Variants in SIDT2 observed in about 807,000 individuals in gnomAD.
The protein encoded by SIDT2 is SID1 transmembrane family, member 2.
In SIDT2, 68 loss-of-function variants were observed where a neutral mutation model predicts 114.4. The observed-to-expected ratio is 0.59, with a 90% CI of 0.49 to 0.73. SIDT2 has a LOEUF of 0.73. Among genes scored for constraint, SIDT2 ranks in the 30% least tolerant of loss-of-function variants. The pLI is 0.00. For missense variants in SIDT2, 918 were observed against 1,097.1 expected (o/e 0.84, Z 2.31); for synonymous variants, 470 against 438.4 (o/e 1.07, Z -0.90).
At chr11:117,194,197 C>T (rs2030806660) in intron 24 of SIDT2, 1 of 410,316 alleles carries the variant, frequency 2.4e-6, no homozygotes, top group East Asian at 4.7e-5. Context: ...CACCAGTAGT[C>T]CTAGCTACCT....
In SIDT2 at chr11:117,181,912, G is replaced by A. The variant is rs1324458058; in HGVS notation, c.411G>A (p.Leu137=). The change falls in exon 3 of 26, where the codon CTG becomes CTA. Residue 137 remains leucine (L), a synonymous_variant. Transcript: ENST00000324225. ...IQFFYVDVST[L]SPVNTTYQLR... Reference sequence around the variant, plus strand: ...TCTTCTACGTGGATGTGTCCACCCTGTCACCAGTCAACACCACATACCAGC... The same window carrying A: ...TCTTCTACGTGGATGTGTCCACCCTATCACCAGTCAACACCACATACCAGC... The A allele has an allele frequency of 3.1e-6, 5 of 1,614,048 alleles. No homozygotes were observed. Among genetic ancestry groups the A allele is most frequent in the East Asian group, 2.2e-5 (1 of 44,882 alleles).
At position 117,192,482 on chromosome 11, in the gene SIDT2, G is replaced by A; in HGVS notation, c.1982-92G>A. The A allele has an allele frequency of 6.6e-7, 1 of 1,508,304 alleles. No homozygotes were observed. Among genetic ancestry groups the A allele is most frequent in the Non-Finnish European group, 9.1e-7 (1 of 1,096,076 alleles). The allele number at this position is 1,508,304 out of a possible 1,614,324, so 93.4% of individuals were successfully genotyped here. ...CCTGGAGTCACTGGGTGAGGAATTAGATCAGGCCTGGGCTCCTCAGCTGGC... is the reference window on the plus strand; with the variant it reads ...CCTGGAGTCACTGGGTGAGGAATTAAATCAGGCCTGGGCTCCTCAGCTGGC... On this transcript the variant is annotated intron_variant, in intron 20 of 25. Transcript: ENST00000324225. The surrounding 1 kb of genome is among the most constrained non-coding windows in gnomAD (Gnocchi z 5.9).
At chr11:117,183,736 G>A (rs763600047) in intron 6 of SIDT2, 43 bp from the exon 7 acceptor site, 5 of 1,263,844 alleles carry the variant, frequency 4.0e-6, no homozygotes, top group Non-Finnish European at 4.6e-6. Flanking sequence ...AAAGAATGAT[G>A]ATGATGATGA....
At chr11:117,180,746 G>C (rs1429419467) in intron 1 of SIDT2, among the ~76,000 whole-genome samples, 1 of 152,004 alleles carries the variant, frequency 6.6e-6, no homozygotes, top group East Asian at 1.9e-4. Context: ...ATGTTGGCCA[G>C]GCTGGTCTCA....
In SIDT2 at chr11:117,195,912, C is replaced by T; in HGVS notation, c.2433C>T (p.Phe811=). 1 of 1,614,218 alleles carries T rather than the reference C, an allele frequency of 6.2e-7. No individual in the cohort carries two copies. The highest frequency in any genetic ancestry group is 1.1e-5 in the South Asian group (1 of 91,086). The change falls in exon 25 of 26, where the codon TTC becomes TTT. Residue 811 remains phenylalanine (F), a synonymous_variant. Transcript: ENST00000324225. The part of the protein sequence containing the change: ...FLSSIAMFGS[F]LVLLTLDDDL... ...CCTCCATCGCCATGTTCGGGTCCTT[C>T]CTGGTAAGCGGGCCTCCCGGCCGAG...
Position 117,192,046 on chromosome 11 carries a change from A to G in SIDT2, c.1872+32A>G, listed in dbSNP as rs1315524274. On this transcript the variant is annotated intron_variant, in intron 19 of 25. Transcript: ENST00000324225. The surrounding 1 kb of genome is among the most constrained non-coding windows in gnomAD (Gnocchi z 5.9). ...GCCTGACCTGCTCTGCTCAGCCTGT[A>G]TGATAGGAAAGGTGCACGTGCGTTC... 1 of 1,612,934 alleles carries G rather than the reference A, an allele frequency of 6.2e-7. No homozygotes were observed. The highest frequency in any genetic ancestry group is 2.2e-5 in the East Asian group (1 of 44,840).
At chr11:117,187,311 G>A in intron 10 of SIDT2, 67 bp from the exon 11 acceptor site, 2 of 1,478,336 alleles carry the variant, frequency 1.4e-6, no homozygotes, top group Middle Eastern at 1.7e-4. Context: ...ACCTTTCTTT[G>A]TTCTTCTCCC....
chr11:117,187,944 C>T, intron 12 of SIDT2: 1 of 674,808 alleles, frequency 1.5e-6, no homozygotes, highest in South Asian at 1.5e-5. Flanking sequence ...GGCAGCTGTG[C>T]ATTGCCATGG....
chr11:117,192,213 C>T lies in SIDT2; in HGVS notation c.1873-41C>T. The T allele has an allele frequency of 6.8e-7, 1 of 1,474,278 alleles. No individual in the cohort carries two copies. Among genetic ancestry groups the T allele is most frequent in the Non-Finnish European group, 9.5e-7 (1 of 1,053,162 alleles). The allele number at this position is 1,474,278 out of a possible 1,614,324, so 91.3% of individuals were successfully genotyped here. A position where few individuals can be genotyped will look rare whatever the true frequency, so the allele number is the denominator to read the frequency against. ...AAGGGTGGGCCATCCGAGCCACTTC[C>T]CTCTCCACCCTCACCGCTGCCCTTG... is the stretch of plus-strand genomic sequence containing the variant. On this transcript the variant is annotated intron_variant, in intron 19 of 25. Coordinates refer to ENST00000324225, the MANE Select transcript of SIDT2 (RefSeq NM_001040455.2). The surrounding 1 kb of genome is among the most constrained non-coding windows in gnomAD (Gnocchi z 5.9).
chr11:117,186,373 C>A, intron 9 of SIDT2, 150 bp downstream of exon 9: 1 of 833,982 alleles, frequency 1.2e-6, no homozygotes, highest in Non-Finnish European at 1.9e-6. Context: ...GGCCCATGAG[C>A]CTCTCTAGAA....
chr11:117,189,563 C>T (rs944253847), intron 15 of SIDT2, 162 bp downstream of exon 15: 38 of 711,918 alleles, frequency 5.3e-5, no homozygotes, highest in African/African-American at 5.4e-5. Context: ...CATAACCCCC[C>T]CAACCCTGAG....
In SIDT2 at chr11:117,190,746, T is replaced by C. The variant is rs767748740; in HGVS notation, c.1735+6T>C. The C allele has an allele frequency of 1.1e-5, 17 of 1,607,082 alleles. No homozygotes were observed. Among genetic ancestry groups the C allele is most frequent in the Non-Finnish European group, 1.4e-5 (16 of 1,173,766 alleles). On this transcript the variant is annotated splice_donor_region_variant and intron_variant, in intron 18 of 25. Transcript: ENST00000324225. This position sits in a 1 kb window ranked among gnomAD's most constrained non-coding sequence, Gnocchi z 4.1. ...CTATACCAATTTCCAGTTTGGTGAG[T>C]GGGGCGTCCTTCTTTTCTGGCTCAA... is the stretch of plus-strand genomic sequence containing the variant.
In SIDT2 at chr11:117,192,497, C is replaced by G; in HGVS notation, c.1982-77C>G. On this transcript the variant is annotated intron_variant, in intron 20 of 25. Transcript: ENST00000324225. The surrounding 1 kb of genome is among the most constrained non-coding windows in gnomAD (Gnocchi z 5.9). ...TGAGGAATTAGATCAGGCCTGGGCT[C>G]CTCAGCTGGCACATCCCAGGGGTCC... 2.6e-6 allele frequency: 4 copies of G among 1,553,260 alleles called. No homozygotes were observed. The South Asian group carries it at 4.4e-5, about 17-fold the overall frequency.
At chr11:117,182,327 C>T (rs1480379069) in intron 4 of SIDT2, 192 bp from the exon 5 acceptor site, 1 of 705,132 alleles carries the variant, frequency 1.4e-6, no homozygotes, top group Non-Finnish European at 2.4e-6. Context: ...TGCTGAGTGC[C>T]CTGCTGAGGT....
chr11:117,186,485 C>A (rs770998821), intron 9 of SIDT2, 99 bp from the exon 10 acceptor site: 5 of 1,203,884 alleles, frequency 4.2e-6, no homozygotes, highest in Non-Finnish European at 5.9e-6. Context: ...AGGGTCATAG[C>A]GATGAGAGTG....
chr11:117,192,077 C>T lies in SIDT2; in HGVS notation c.1872+63C>T, dbSNP rs186326720. 3,122 of 1,604,192 alleles carry T rather than the reference C, an allele frequency of 1.9e-3. 10 individuals are homozygous for T. The highest frequency in any genetic ancestry group is 2.5e-3 in the Non-Finnish European group (2,958 of 1,173,514). On this transcript the variant is annotated intron_variant, in intron 19 of 25. Transcript: ENST00000324225. This position sits in a 1 kb window ranked among gnomAD's most constrained non-coding sequence, Gnocchi z 5.9. ...GGAAAGGTGCACGTGCGTTCAGACACGTAGTGCACACCCTCCGCCACCTCC... is the reference window on the plus strand; with the variant it reads ...GGAAAGGTGCACGTGCGTTCAGACATGTAGTGCACACCCTCCGCCACCTCC...
rs375738890 is a variant in SIDT2, at chr11:117,189,318, G to T, written c.1353-17G>T. The stretch of plus-strand genomic sequence containing the variant: ...CTTGGGTGCCACCCACCTCACTGCC[G>T]CCCTCCTGCTCCGCAGGAACATTGC... On this transcript the variant is annotated splice_polypyrimidine_tract_variant and intron_variant, in intron 14 of 25. Transcript: ENST00000324225. 3 of 1,614,150 alleles carry T rather than the reference G, an allele frequency of 1.9e-6. No homozygotes were observed. Among genetic ancestry groups the T allele is most frequent in the Non-Finnish European group, 2.5e-6 (3 of 1,179,998 alleles).
rs544516590 is a variant in SIDT2, at chr11:117,179,372, C to G, written c.109C>G (p.Arg37Gly). Residue 37 changes from arginine (R) to glycine (G), a missense_variant, in exon 1 of 26, where the codon CGC becomes GGC. This residue lies in a region of SIDT2 where 553 missense variants were observed against 600.1 expected (regional missense o/e 0.92). Transcript: ENST00000324225. ...NVSQKDAEFE[R>G]TYVDEVNSEL... ...CTCGCAGAAAGACGCCGAGTTTGAGCGCACCTACGTGGACGAGGTCAACAG... is the reference window on the plus strand; with the variant it reads ...CTCGCAGAAAGACGCCGAGTTTGAGGGCACCTACGTGGACGAGGTCAACAG... 1 of 1,614,130 alleles carries G rather than the reference C, an allele frequency of 6.2e-7. No homozygotes were observed. The highest frequency in any genetic ancestry group is 8.5e-7 in the Non-Finnish European group (1 of 1,180,030).
At position 117,179,061 on chromosome 11, in the gene SIDT2, C is replaced by T. The variant is rs1020243268; in HGVS notation, c.-203C>T. On this transcript the variant is annotated 5_prime_UTR_variant, in exon 1 of 26. Coordinates refer to ENST00000324225, the MANE Select transcript of SIDT2 (RefSeq NM_001040455.2). ...CCCTCCCTCCCCGCCCCCTCCCGGC[C>T]GCCCCCTCCCCTGCGGGGACCCTGG... The T allele has an allele frequency of 5.0e-6, 3 of 599,842 alleles. No homozygotes were observed. The highest frequency in any genetic ancestry group is 3.7e-5 in the African/African-American group (2 of 53,600). 37.2% of individuals were successfully genotyped at this position (599,842 alleles called of 1,614,324 possible).
Sources: gnomAD v4.1 joint callset for allele counts (sites outside exome capture counted in the v4.1 genomes callset) on GRCh38, gnomAD v4.1.1 for gene constraint, gnomAD v4.1.1 regional missense constraint, Gnocchi (gnomAD v3.1) non-coding constraint, MANE v1.5 for transcripts, NCBI Gene and HGNC (gene_info 2026-07-23, HGNC 2026-07-21) for gene names.